Variants in ZNF443 observed in about 807,000 individuals in gnomAD.
ZNF443 encodes the protein zinc finger protein 443.
In ZNF443, 3 loss-of-function variants were observed where a neutral mutation model predicts 12.0. The observed-to-expected ratio is 0.25, with a 90% CI of 0.11 to 0.64. The LOEUF is 0.64. ZNF443 is among the 30% of genes least tolerant of loss of function. The probability of loss-of-function intolerance (pLI) is 0.84; values close to 1 mark genes in which losing one functional copy is unlikely to be tolerated. For missense variants in ZNF443, 770 were observed against 808.8 expected, an observed-to-expected ratio of 0.95 and a Z score of 0.58; for synonymous variants, 225 against 265.9, an observed-to-expected ratio of 0.85 and a Z score of 1.50.
intron 1 of ZNF443, among the ~76,000 whole-genome samples, chr19:12,435,980 G>T (rs1313056572): frequency 6.6e-6 from 1 of 151,712 alleles, no homozygotes; most frequent in Non-Finnish European, 1.5e-5. Flanking sequence ...AAATTATGAA[G>T]AATACAGAAA....
At position 12,441,008 on chromosome 19, in the gene ZNF443, C is replaced by G; in HGVS notation, c.-94G>C. 6 of 1,606,642 alleles carry G rather than the reference C, an allele frequency of 3.7e-6. No homozygotes were observed. Among genetic ancestry groups the G allele is most frequent in the South Asian group, 1.1e-5 (1 of 90,250 alleles). On this transcript the variant is annotated 5_prime_UTR_variant, in exon 1 of 4. Coordinates refer to ENST00000301547, the MANE Select transcript of ZNF443 (RefSeq NM_005815.5). ...AAAGGCTGCCTCAGAACTTCCAGGT[C>G]GTCTCTCAGCTACAGAACCCAGAGC...
chr19:12,431,982 T>C lies in ZNF443; in HGVS notation c.192-2A>G. 1.9e-6 allele frequency: 3 copies of C among 1,543,492 alleles called. No individual in the cohort carries two copies. In the East Asian group the frequency reaches 6.8e-5, roughly 35 times the overall value. ...ACAAATCTCTCTAACATACGACATCTGTAAAAAATGGGAAATATATCACTA... is the reference window on the plus strand; with the variant it reads ...ACAAATCTCTCTAACATACGACATCCGTAAAAAATGGGAAATATATCACTA... On this transcript the variant is annotated splice_acceptor_variant, in intron 3 of 3. Transcript: ENST00000301547. LOFTEE classifies it high-confidence loss of function.
intron 1 of ZNF443, among the ~76,000 whole-genome samples, chr19:12,439,273 C>G: frequency 6.6e-6 from 1 of 152,052 alleles, no homozygotes; most frequent in Non-Finnish European, 1.5e-5. Flanking sequence ...GCTGTTCAGT[C>G]ATGTGTCTCC....
chr19:12,429,816 T>A lies in ZNF443; in HGVS notation c.*340A>T, dbSNP rs551988115. 2.7e-6 allele frequency: 1 copy of A among 367,416 alleles called. No individual in the cohort carries two copies. Among genetic ancestry groups the A allele is most frequent in the South Asian group, 4.0e-5 (1 of 24,828 alleles). 22.8% of individuals were successfully genotyped at this position (367,416 alleles called of 1,614,324 possible). A position where few individuals can be genotyped will look rare whatever the true frequency, so the allele number is the denominator to read the frequency against. The stretch of plus-strand genomic sequence containing the variant: ...ACATAGACTCTTTTCCTTATCATGA[T>A]TCCCTAAACAATACAATAGAACAAC... On this transcript the variant is annotated 3_prime_UTR_variant, in exon 4 of 4. Transcript: ENST00000301547.
intron 1 of ZNF443, among the ~76,000 whole-genome samples, chr19:12,437,399 A>G (rs935096628): frequency 7.3e-6 from 1 of 137,702 alleles, no homozygotes. Context: ...TAGAGCAAGA[A>G]CCTGTCTCAA....
Position 12,431,672 on chromosome 19 carries a change from T to A in ZNF443, c.500A>T (p.Lys167Ile). 1 of 1,614,146 alleles carries A rather than the reference T, an allele frequency of 6.2e-7. No homozygotes were observed. Among genetic ancestry groups the A allele is most frequent in the Non-Finnish European group, 8.5e-7 (1 of 1,180,000 alleles). ...CCCACATTCTTTACAATCATATGGT[T>A]TCTTTCCAGTGTGAAGCCTCTCATG... ...QTHERLHTGK[K>I]PYDCKECGKS... The change falls in exon 4 of 4, where the codon AAA (lysine) becomes ATA (isoleucine). Residue 167 changes from lysine to isoleucine, a missense_variant. Lys to Ile is a moderately radical substitution (Grantham distance 102, BLOSUM62 -3). Coordinates refer to ENST00000301547, the MANE Select transcript of ZNF443 (RefSeq NM_005815.5).
At chr19:12,433,620 G>T (rs970098373) in intron 1 of ZNF443, among the ~76,000 whole-genome samples, 2 of 152,180 alleles carry the variant, frequency 1.3e-5, no homozygotes, top group African/African-American at 4.8e-5. Flanking sequence ...TCTAGACAGT[G>T]TATTTAGGGG....
At chr19:12,438,170 G>T (rs544664564) in intron 1 of ZNF443, among the ~76,000 whole-genome samples, 3 of 151,634 alleles carry the variant, frequency 2.0e-5, no homozygotes, top group Admixed American at 1.3e-4. Context: ...CATAGTCAAA[G>T]CTACTCTCTT....
In ZNF443 at chr19:12,430,282, G is replaced by A. The variant is rs1970234437; in HGVS notation, c.1890C>T (p.Ser630=). Residue 630 remains serine (S), a synonymous_variant, in exon 4 of 4, where the codon TCC becomes TCT. Coordinates refer to ENST00000301547, the MANE Select transcript of ZNF443 (RefSeq NM_005815.5). ...ECGKAFASLS[S]LHRHKKTHWK... The stretch of plus-strand genomic sequence containing the variant: ...AGTGAGTCTTTTTATGTCTATGCAA[G>A]GAACTGAGAGAAGCAAATGCTTTCC... The A allele has an allele frequency of 6.2e-7, 1 of 1,613,184 alleles. No individual in the cohort carries two copies. Among genetic ancestry groups the A allele is most frequent in the African/African-American group, 1.3e-5 (1 of 74,664 alleles).
Position 12,430,409 on chromosome 19 carries a change from T to C in ZNF443, c.1763A>G (p.Tyr588Cys). The C allele has an allele frequency of 6.4e-7, 1 of 1,573,752 alleles. No individual in the cohort carries two copies. The highest frequency in any genetic ancestry group is 8.6e-7 in the Non-Finnish European group (1 of 1,159,122). ...HERIHMREKSYECPQCGKAFT... is the reference protein window; with the variant it reads ...HERIHMREKSCECPQCGKAFT... ...GGCTTTACCACATTGTGGACATTCA[T>C]AGGATTTCTCTCTCATGTGAATTCT... The change falls in exon 4 of 4, where the codon TAT (tyrosine) becomes TGT (cysteine). Residue 588 changes from tyrosine to cysteine, a missense_variant. Coordinates refer to ENST00000301547, the MANE Select transcript of ZNF443 (RefSeq NM_005815.5).
chr19:12,435,462 A>G (rs1192684260), intron 1 of ZNF443, among the ~76,000 whole-genome samples: 3 of 152,350 alleles, frequency 2.0e-5, no homozygotes, highest in East Asian at 3.9e-4. Flanking sequence ...TGTCCTCCAG[A>G]TATCAGGGTA....
At chr19:12,438,558 A>G (rs1451627644) in intron 1 of ZNF443, among the ~76,000 whole-genome samples, 1 of 150,738 alleles carries the variant, frequency 6.6e-6, no homozygotes, top group African/African-American at 2.4e-5. Context: ...AAATCTTTTT[A>G]ATTCAATGTA....
rs564485976 is a variant in ZNF443 at position 12,437,081 on chromosome 19, T to A, written c.3+3831A>T. ...ATGGTTTACTCCAAATGCTAGGGAA[T>A]TCAATAATAAAATGTTAAGAAACAA... On this transcript the variant is annotated intron_variant, in intron 1 of 3. Coordinates refer to ENST00000301547, the MANE Select transcript of ZNF443 (RefSeq NM_005815.5). Among the ~76,000 whole-genome samples the A allele has an allele frequency of 2.3e-3, 353 of 151,800 alleles. 4 individuals carry two copies. The South Asian group carries it at 0.03, about 13-fold the overall frequency.
Position 12,440,981 on chromosome 19 carries a change from A to C in ZNF443, c.-67T>G, listed in dbSNP as rs1970359706. 22 of 1,612,870 alleles carry C rather than the reference A, an allele frequency of 1.4e-5. No individual in the cohort carries two copies. Among genetic ancestry groups the C allele is most frequent in the Admixed American group, 3.3e-5 (2 of 59,956 alleles). On this transcript the variant is annotated 5_prime_UTR_variant, in exon 1 of 4. Transcript: ENST00000301547. ...CGCTGCCAATGCGTGTTCCAGCCAG[A>C]CAAAGGCTGCCTCAGAACTTCCAGG...
At chr19:12,433,840 A>G (rs1220195692) in intron 1 of ZNF443, among the ~76,000 whole-genome samples, 3 of 61,954 alleles carry the variant, frequency 4.8e-5, no homozygotes, top group South Asian at 7.9e-4. Context: ...AAAGTGGCAG[A>G]AAAAAAAAAA....
Position 12,430,451 on chromosome 19 carries a change from C to A in ZNF443, c.1721G>T (p.Cys574Phe). The A allele has an allele frequency of 6.2e-7, 1 of 1,605,762 alleles. No homozygotes were observed. Among genetic ancestry groups the A allele is most frequent in the East Asian group, 2.2e-5 (1 of 44,776 alleles). The change falls in exon 4 of 4, where the codon TGC becomes TTC. Residue 574 changes from cysteine to phenylalanine, a missense_variant. Physicochemically the swap from Cys to Phe is radical, Grantham distance 205. Around this residue, in one of 3 missense-constraint regions of ZNF443, gnomAD observed 736 missense variants for 689.4 expected, o/e 1.07. Coordinates refer to ENST00000301547, the MANE Select transcript of ZNF443 (RefSeq NM_005815.5). Reference protein sequence around the residue: ...ECGKAFSWLTCFLRHERIHMR... With the variant: ...ECGKAFSWLTFFLRHERIHMR... ...GTGAATTCTTTCATGTCGTAGAAAGCAAGTGAGCCAAGAGAATGCTTTCCC... is the reference window on the plus strand; with the variant it reads ...GTGAATTCTTTCATGTCGTAGAAAGAAAGTGAGCCAAGAGAATGCTTTCCC...
Position 12,431,667 on chromosome 19 carries a change from A to G in ZNF443, c.505T>C (p.Tyr169His), listed in dbSNP as rs755210970. Reference sequence around the variant, plus strand: ...GACTTCCCACATTCTTTACAATCATATGGTTTCTTTCCAGTGTGAAGCCTC... The same window carrying G: ...GACTTCCCACATTCTTTACAATCATGTGGTTTCTTTCCAGTGTGAAGCCTC... The part of the protein sequence containing the change: ...HERLHTGKKP[Y>H]DCKECGKSFS... The change falls in exon 4 of 4, where the codon TAT (tyrosine) becomes CAT (histidine). Residue 169 changes from tyrosine (Y) to histidine (H), a missense_variant. Coordinates refer to ENST00000301547, the MANE Select transcript of ZNF443 (RefSeq NM_005815.5). The G allele has an allele frequency of 3.7e-6, 6 of 1,613,998 alleles. No homozygotes were observed. In the Admixed American group the frequency reaches 5.0e-5, roughly 13 times the overall value.
chr19:12,431,641 G>C lies in ZNF443; in HGVS notation c.531C>G (p.Ser177=). 6.2e-7 allele frequency: 1 copy of C among 1,614,120 alleles called. No homozygotes were observed. The highest frequency in any genetic ancestry group is 8.5e-7 in the Non-Finnish European group (1 of 1,180,002). Residue 177 remains serine (S), a synonymous_variant, in exon 4 of 4, where the codon TCC becomes TCG. Transcript: ENST00000301547. The stretch of plus-strand genomic sequence containing the variant: ...TTTGAAGGTTTCCCAAAGAACTGAA[G>C]GACTTCCCACATTCTTTACAATCAT... ...KPYDCKECGK[S]FSSLGNLQRH...
At chr19:12,440,734 G>A (rs1970356344) in intron 1 of ZNF443, among the ~76,000 whole-genome samples, 178 bp downstream of exon 1, 2 of 152,164 alleles carry the variant, frequency 1.3e-5, no homozygotes, top group African/African-American at 2.4e-5. Flanking sequence ...CAGGACGCCC[G>A]GGGTCCCGGC....
Sources: gnomAD v4.1 joint callset for allele counts (sites outside exome capture counted in the v4.1 genomes callset) on GRCh38, gnomAD v4.1.1 for gene constraint, gnomAD v4.1.1 regional missense constraint, MANE v1.5 for transcripts, NCBI Gene and HGNC (gene_info 2026-07-23, HGNC 2026-07-21) for gene names.